MEF2C: variants seen among roughly 807,000 people sequenced by gnomAD.
MEF2C encodes the protein myocyte enhancer factor 2C.
A neutral mutation model predicts 50.5 loss-of-function variants in MEF2C; 6 were observed. The ratio of observed to expected loss-of-function variants is 0.12; its 90% CI spans 0.07 to 0.23. MEF2C has a LOEUF of 0.23. Ranked by LOEUF, MEF2C falls within the 10% of genes least tolerant of loss-of-function variation. The pLI is 1.00. For synonymous variants in MEF2C, 183 were observed against 228.0 expected, an observed-to-expected ratio of 0.80 and a Z score of 1.78; for missense variants, 276 against 605.0, an observed-to-expected ratio of 0.46 and a Z score of 5.70.
chr5:88,864,615 C>A (rs1251931667), intron 1 of MEF2C, among the ~76,000 whole-genome samples: 2 of 151,688 alleles, frequency 1.3e-5, no homozygotes, highest in African/African-American at 4.8e-5. Context: ...TATTTAGAGA[C>A]CAGGCCTTAC....
chr5:88,744,234 A>C, intron 6 of MEF2C: 2 of 729,038 alleles, frequency 2.7e-6, no homozygotes, highest in Non-Finnish European at 3.4e-6. Flanking sequence ...TACCATCATC[A>C]ATAACCACTC....
chr5:88,757,730 A>G lies in MEF2C; in HGVS notation c.402+3455T>C, dbSNP rs1326308787. Among the ~76,000 whole-genome samples, 4 of 152,186 alleles carry G rather than the reference A, an allele frequency of 2.6e-5. No individual in the cohort carries two copies. In the East Asian group the frequency reaches 7.7e-4, roughly 29 times the overall value. On this transcript the variant is annotated intron_variant, in intron 4 of 10. Coordinates refer to ENST00000504921, the MANE Select transcript of MEF2C (RefSeq NM_002397.5). ...CAGGAGTTCCAGAACAGCCTGGCCAACATGGTGAAACTCCATCTCTACTAA... is the reference window on the plus strand; with the variant it reads ...CAGGAGTTCCAGAACAGCCTGGCCAGCATGGTGAAACTCCATCTCTACTAA...
intron 10 of MEF2C, among the ~76,000 whole-genome samples, chr5:88,727,888 T>C (rs187257526): frequency 3.3e-5 from 5 of 152,128 alleles, no homozygotes; most frequent in Admixed American, 2.6e-4. Flanking sequence ...AAGACATATC[T>C]GAAAACTACC....
At chr5:88,746,505 GTAA>G (rs1769722210) in intron 6 of MEF2C, 6 of 983,240 alleles carry the variant, frequency 6.1e-6, no homozygotes, top group Non-Finnish European at 7.2e-6. Flanking sequence ...CTGCTAAAAA[GTAA>G]CGTAATTGCA....
At chr5:88,787,140 A>C (rs1374458388) in intron 3 of MEF2C, among the ~76,000 whole-genome samples, 3 of 152,244 alleles carry the variant, frequency 2.0e-5, no homozygotes, top group Non-Finnish European at 4.4e-5. Context: ...TGGAAAAGAA[A>C]AAAAAAATCA....
intron 4 of MEF2C, among the ~76,000 whole-genome samples, chr5:88,758,533 G>A (rs1314712320): frequency 2.0e-5 from 3 of 152,108 alleles, no homozygotes; most frequent in Non-Finnish European, 4.4e-5. Flanking sequence ...CTTCAAACTG[G>A]GTCTTCGAAA....
At chr5:88,744,016 T>C (rs1768133062) in intron 6 of MEF2C, 8 of 968,054 alleles carry the variant, frequency 8.3e-6, no homozygotes, top group Non-Finnish European at 9.8e-6. Flanking sequence ...TAAAGGTTTT[T>C]CATTTCTTTT....
Position 88,722,633 on chromosome 5 carries a change from T to C in MEF2C, c.1393A>G (p.Met465Val), listed in dbSNP as rs766533792. 6.2e-7 allele frequency: 1 copy of C among 1,612,758 alleles called. No individual in the cohort carries two copies. Among genetic ancestry groups the C allele is most frequent in the South Asian group, 1.1e-5 (1 of 91,040 alleles). The change falls in exon 11 of 11, where the codon ATG (methionine) becomes GTG (valine). Residue 465 changes from methionine (M) to valine (V), a missense_variant. By Grantham distance (21) the Met-to-Val change is conservative. Coordinates refer to ENST00000504921, the MANE Select transcript of MEF2C (RefSeq NM_002397.5). ...GTTGCCCATCCTTCAGAAAGTCGCA[T>C]GCGCTTGACTGAGGGACTTTCCCTT... The part of the protein sequence containing the change: ...DERESPSVKR[M>V]RLSEGWAT
At chr5:88,843,302 T>C (rs1446967674) in intron 1 of MEF2C, 3 of 981,884 alleles carry the variant, frequency 3.1e-6, no homozygotes, top group Non-Finnish European at 3.6e-6. Context: ...TGGATAGACA[T>C]GTTACATCAC....
At chr5:88,772,717 C>A in intron 3 of MEF2C, 1 of 984,856 alleles carries the variant, frequency 1.0e-6, no homozygotes, top group Non-Finnish European at 1.2e-6. Context: ...AAATTGATTT[C>A]TCCCTCTTCC....
At position 88,902,057 on chromosome 5, in the gene MEF2C, T is replaced by C. The variant is rs536914436; in HGVS notation, c.-240+1859A>G. Among the ~76,000 whole-genome samples the C allele has an allele frequency of 1.1e-4, 17 of 151,854 alleles. No homozygotes were observed. In the South Asian group the frequency reaches 3.3e-3, roughly 30 times the overall value. ...AAACTTAACAAATACAATTCTGAAG[T>C]TGACATAAGAACACATGTTGTTCAG... is the stretch of plus-strand genomic sequence containing the variant. On this transcript the variant is annotated intron_variant, in intron 1 of 11. Coordinates refer to the MEF2C transcript ENST00000340208.
chr5:88,874,055 C>A (rs911098405), intron 1 of MEF2C, among the ~76,000 whole-genome samples: 1 of 151,814 alleles, frequency 6.6e-6, no homozygotes, highest in African/African-American at 2.4e-5. Flanking sequence ...CTTAATAAGG[C>A]TCCTCAAATA....
rs551846703 is a variant in MEF2C, at chr5:88,736,986, C to T, written c.638-5085G>A. On this transcript the variant is annotated intron_variant, in intron 6 of 10. Transcript: ENST00000504921. ...ACAACTTCAGCCCACACTGAATTCA[C>T]TCCCCTCTGCTGCAATTAGTGGCAG... The T allele has an allele frequency of 4.1e-6, 4 of 985,184 alleles. No individual in the cohort carries two copies. In the African/African-American group the frequency reaches 7.0e-5, roughly 17 times the overall value. The allele number at this position is 985,184 out of a possible 1,614,324, so 61.0% of individuals were successfully genotyped here.
intron 1 of MEF2C, among the ~76,000 whole-genome samples, chr5:88,831,557 A>G (rs1243090695): frequency 6.6e-6 from 1 of 152,052 alleles, no homozygotes; most frequent in Non-Finnish European, 1.5e-5. Context: ...TTTGTTGTAC[A>G]TTAAAGAGAA....
At chr5:88,748,961 C>T in intron 6 of MEF2C, 109 bp downstream of exon 6, 7 of 1,533,816 alleles carry the variant, frequency 4.6e-6, no homozygotes, top group Non-Finnish European at 6.2e-6. Flanking sequence ...TTTTCCATGC[C>T]TCTCACAGAT....
At chr5:88,800,249 G>C (rs1797813541) in intron 3 of MEF2C, among the ~76,000 whole-genome samples, 1 of 152,168 alleles carries the variant, frequency 6.6e-6, no homozygotes, top group South Asian at 2.1e-4. Context: ...TCACTCCAAG[G>C]ATCACTTGGA....
Position 88,863,180 on chromosome 5 carries a change from T to C in MEF2C, c.-143+19775A>G, listed in dbSNP as rs62380389. ...CTGAACATTCTATCAATTAAGCGTT[T>C]ACCTCATTTTCAACATGCCTGCAGT... On this transcript the variant is annotated intron_variant, in intron 1 of 10. Transcript: ENST00000504921. Among the ~76,000 whole-genome samples the C allele has an allele frequency of 6.1e-3, 930 of 152,340 alleles. 4 individuals carry two copies. The highest frequency in any genetic ancestry group is 0.01 in the Non-Finnish European group (698 of 68,022).
chr5:88,839,028 A>G (rs1234434736), intron 1 of MEF2C, among the ~76,000 whole-genome samples: 2 of 152,186 alleles, frequency 1.3e-5, no homozygotes, highest in Non-Finnish European at 2.9e-5. Context: ...AATTGTTGGA[A>G]AATACTGCAC....
Position 88,736,150 on chromosome 5 carries a change from C to T in MEF2C, c.638-4249G>A, listed in dbSNP as rs371354845. ...TTTTCTTCAGAAATGCCTGTCTCTA[C>T]TTCCACTGCCACCATCTTAGCTTTG... On this transcript the variant is annotated intron_variant, in intron 6 of 10. Transcript: ENST00000504921. The T allele has an allele frequency of 2.0e-5, 20 of 985,398 alleles. No homozygotes were observed. In the East Asian group the frequency reaches 1.8e-3, roughly 89 times the overall value. The allele number at this position is 985,398 out of a possible 1,614,324, so 61.0% of individuals were successfully genotyped here. A position where few individuals can be genotyped will look rare whatever the true frequency, so the allele number is the denominator to read the frequency against.
Sources: allele counts gnomAD v4.1 joint callset (sites outside exome capture counted in the v4.1 genomes callset), GRCh38; gene constraint gnomAD v4.1.1; transcripts MANE v1.5; gene names NCBI Gene and HGNC (gene_info 2026-07-23, HGNC 2026-07-21).